Variants in TRABD2B observed in about 807,000 individuals in gnomAD.
TRABD2B encodes TraB domain containing 2B.
Under a neutral mutation model 40.1 loss-of-function variants are expected in TRABD2B, and 14 were observed. The ratio of observed to expected loss-of-function variants is 0.35; its 90% CI spans 0.23 to 0.55. TRABD2B has a LOEUF of 0.55. Among genes scored for constraint, TRABD2B ranks in the 20% least tolerant of loss-of-function variants. The pLI is 0.90. For synonymous variants in TRABD2B, 263 were observed against 277.0 expected (o/e 0.95, Z 0.50); for missense variants, 541 against 648.6 (o/e 0.83, Z 1.80).
chr1:47,915,281 A>T (rs1644815715), intron 2 of TRABD2B, among the ~76,000 whole-genome samples: 1 of 152,202 alleles, frequency 6.6e-6, no homozygotes, highest in Non-Finnish European at 1.5e-5. Flanking sequence ...TTGCCTCGGT[A>T]GGCAACAGTA....
At chr1:47,965,964 G>T (rs1645596194) in intron 2 of TRABD2B, among the ~76,000 whole-genome samples, 1 of 152,084 alleles carries the variant, frequency 6.6e-6, no homozygotes, top group African/African-American at 2.4e-5. Context: ...TTATGAAGGG[G>T]GAAATAACCT....
chr1:47,817,355 C>T lies in TRABD2B; in HGVS notation c.667-15736G>A, dbSNP rs139662417. ...CCCATCTGGGTTCCCAGTGTGAAGC[C>T]AGGGCAAAAGCAACAGAACCTCGGG... On this transcript the variant is annotated intron_variant, in intron 2 of 6. Transcript: ENST00000606738. Among the ~76,000 whole-genome samples, 191 of 152,108 alleles carry T rather than the reference C, an allele frequency of 1.3e-3. 1 individual carries two copies. Among genetic ancestry groups the T allele is most frequent in the African/African-American group, 4.4e-3 (181 of 41,516 alleles).
At position 47,763,825 on chromosome 1, in the gene TRABD2B, C is replaced by T. The variant is rs573258369; in HGVS notation, c.*2077G>A. 6 of 152,356 alleles carry T rather than the reference C, an allele frequency of 3.9e-5. No individual in the cohort carries two copies. Among genetic ancestry groups the T allele is most frequent in the African/African-American group, 1.4e-4 (6 of 41,580 alleles). 9.4% of individuals were successfully genotyped at this position (152,356 alleles called of 1,614,324 possible). A position where few individuals can be genotyped will look rare whatever the true frequency, so the allele number is the denominator to read the frequency against. On this transcript the variant is annotated 3_prime_UTR_variant, in exon 7 of 7. Transcript: ENST00000606738. ...TGCACTGCACGATCCGTTTGATGTC[C>T]AACTTCTGAGCCTGCTTTATAAGTC...
chr1:47,978,198 C>T (rs150735986), intron 2 of TRABD2B, among the ~76,000 whole-genome samples: 1 of 152,210 alleles, frequency 6.6e-6, no homozygotes, highest in Non-Finnish European at 1.5e-5. Flanking sequence ...GGCCATAGTT[C>T]TCCCCTTCTG....
At chr1:47,832,552 T>A (rs1256531584) in intron 2 of TRABD2B, among the ~76,000 whole-genome samples, 1 of 152,144 alleles carries the variant, frequency 6.6e-6, no homozygotes, top group African/African-American at 2.4e-5. Context: ...CAAATTTAAA[T>A]GGCTATAATT....
chr1:47,828,155 G>A (rs1335497836), intron 2 of TRABD2B, among the ~76,000 whole-genome samples: 1 of 152,166 alleles, frequency 6.6e-6, no homozygotes, highest in African/African-American at 2.4e-5. Flanking sequence ...CAGTAGGTGC[G>A]ACCTAGATAG....
intron 2 of TRABD2B, among the ~76,000 whole-genome samples, chr1:47,943,811 G>GAAAGAAACA (rs1472315951): frequency 5.6e-4 from 84 of 148,884 alleles, no homozygotes; most frequent in African/African-American, 1.9e-3. Context: ...GAACACAATG[G>GAAAGAAACA]AAAGAAACAT....
chr1:47,814,590 C>T (rs368395950), intron 2 of TRABD2B, among the ~76,000 whole-genome samples: 1 of 152,184 alleles, frequency 6.6e-6, no homozygotes, highest in Non-Finnish European at 1.5e-5. Context: ...CCCATTACTG[C>T]CCCCGCTCTC....
chr1:47,778,816 A>G (rs1041946833), intron 4 of TRABD2B, among the ~76,000 whole-genome samples: 17 of 152,204 alleles, frequency 1.1e-4, no homozygotes, highest in African/African-American at 4.1e-4. Flanking sequence ...TGTAATAGCA[A>G]CATCCAGGGT....
intron 2 of TRABD2B, among the ~76,000 whole-genome samples, chr1:47,916,116 G>GGCTGCTCGCCTGCTCCTCACTCCTCACTA (rs1170139052): frequency 4.3e-4 from 62 of 144,824 alleles, no homozygotes; most frequent in Non-Finnish European, 8.1e-4. Flanking sequence ...AGTGGACAAT[G>GGCTGCTCGCCTGCTCCTCACTCCTCACTA]GCTGCTCGCC....
intron 2 of TRABD2B, among the ~76,000 whole-genome samples, chr1:47,829,586 CT>C (rs954274261): frequency 1.3e-5 from 2 of 152,172 alleles, no homozygotes; most frequent in African/African-American, 4.8e-5. Context: ...CCTCCCAAAT[CT>C]TCAACCCAGA....
chr1:47,968,527 T>C lies in TRABD2B; in HGVS notation c.666+25507A>G, dbSNP rs188618710. Among the ~76,000 whole-genome samples the C allele has an allele frequency of 7.1e-3, 1,084 of 152,138 alleles. 10 individuals carry two copies. The highest frequency in any genetic ancestry group is 0.011 in the Non-Finnish European group (730 of 67,998). On this transcript the variant is annotated intron_variant, in intron 2 of 6. Coordinates refer to ENST00000606738, the MANE Select transcript of TRABD2B (RefSeq NM_001194986.2). ...TTCATCTTGGGCTCAGGAACACAGGTTCACACTTTGGCATGCACATGCGTG... is the reference window on the plus strand; with the variant it reads ...TTCATCTTGGGCTCAGGAACACAGGCTCACACTTTGGCATGCACATGCGTG...
At chr1:47,912,811 A>G (rs1039741317) in intron 2 of TRABD2B, among the ~76,000 whole-genome samples, 8 of 152,236 alleles carry the variant, frequency 5.3e-5, no homozygotes, top group African/African-American at 1.4e-4. Flanking sequence ...ACCTCGTCCC[A>G]GGAGCTGGCA....
At chr1:47,937,642 G>GA (rs202048357) in intron 2 of TRABD2B, among the ~76,000 whole-genome samples, 22,321 of 146,968 alleles carry the variant, frequency 0.15, 1,853 homozygotes, top group East Asian at 0.35. Context: ...GAATTTTTAG[G>GA]AAAAAAAAAA....
At chr1:47,807,624 TTGTG>T (rs1000621836) in intron 2 of TRABD2B, among the ~76,000 whole-genome samples, 1 of 151,032 alleles carries the variant, frequency 6.6e-6, no homozygotes, top group African/African-American at 2.4e-5. Flanking sequence ...TTATTCATAT[TTGTG>T]TGTGTGTGTG....
rs911809719 is a variant in TRABD2B, at chr1:47,993,953, C to T, written c.666+81G>A. 2.4e-5 allele frequency: 34 copies of T among 1,389,888 alleles called. No homozygotes were observed. In the East Asian group the frequency reaches 4.3e-4, roughly 17 times the overall value. 86.1% of individuals were successfully genotyped at this position (1,389,888 alleles called of 1,614,324 possible). Reference sequence around the variant, plus strand: ...CTGACTCTGGCTGCCTCCCCCTCCCCCTCGGAGAAGAAAGACAATCAGAGA... The same window carrying T: ...CTGACTCTGGCTGCCTCCCCCTCCCTCTCGGAGAAGAAAGACAATCAGAGA... On this transcript the variant is annotated intron_variant, in intron 2 of 6. Coordinates refer to ENST00000606738, the MANE Select transcript of TRABD2B (RefSeq NM_001194986.2).
chr1:47,785,179 C>T (rs1460154791), intron 4 of TRABD2B, among the ~76,000 whole-genome samples: 4 of 152,116 alleles, frequency 2.6e-5, no homozygotes, highest in African/African-American at 7.2e-5. Flanking sequence ...GGTTGGAACA[C>T]GAGGGTGTCC....
chr1:47,969,800 A>G lies in TRABD2B; in HGVS notation c.666+24234T>C, dbSNP rs1645654799. On this transcript the variant is annotated intron_variant, in intron 2 of 6. Transcript: ENST00000606738. The stretch of plus-strand genomic sequence containing the variant: ...AGCCCTGGGGTTCAGAGGGAGGACA[A>G]GTGATGCTGTCCTGGTCCCAGGTGA... Among the ~76,000 whole-genome samples the G allele has an allele frequency of 2.0e-5, 3 of 152,194 alleles. No individual in the cohort carries two copies. In the South Asian group the frequency reaches 6.2e-4, roughly 32 times the overall value.
chr1:47,786,886 G>A (rs1644602695), intron 4 of TRABD2B, among the ~76,000 whole-genome samples: 1 of 151,964 alleles, frequency 6.6e-6, no homozygotes, highest in Non-Finnish European at 1.5e-5. Context: ...TTTTATTTTT[G>A]TAGAAATGGG....
Sources: allele counts gnomAD v4.1 joint callset (sites outside exome capture counted in the v4.1 genomes callset), GRCh38; gene constraint gnomAD v4.1.1; transcripts MANE v1.5; gene names NCBI Gene and HGNC (gene_info 2026-07-23, HGNC 2026-07-21).